Variants in DYRK1A observed in about 807,000 individuals in gnomAD.
DYRK1A encodes the protein dual specificity tyrosine phosphorylation regulated kinase 1A, also known as dual specificity tyrosine-phosphorylation-regulated kinase 1A.
DYRK1A carries 9 observed loss-of-function variants against 79.7 expected under a neutral mutation model. The ratio of observed to expected loss-of-function variants is 0.11; its 90% CI spans 0.07 to 0.20. The LOEUF (loss-of-function observed/expected upper bound fraction) is 0.20, where lower values mean the gene tolerates loss of function less well. DYRK1A is among the 10% of genes least tolerant of loss of function. The pLI is 1.00. For synonymous variants in DYRK1A, 349 were observed against 329.7 expected (o/e 1.06, Z -0.63); for missense variants, 622 against 956.0 (o/e 0.65, Z 4.61).
intron 1 of DYRK1A, among the ~76,000 whole-genome samples, chr21:37,372,517 T>A (rs1030445103): frequency 1.3e-5 from 2 of 151,608 alleles, no homozygotes; most frequent in Admixed American, 1.3e-4. Context: ...TAGACAGCAG[T>A]TGAGGCAGCA....
intron 5 of DYRK1A, among the ~76,000 whole-genome samples, chr21:37,483,416 T>C (rs1452632832): frequency 6.6e-6 from 1 of 152,232 alleles, no homozygotes; most frequent in East Asian, 1.9e-4. Flanking sequence ...GTCACTCCAG[T>C]GTGGCCCTAC....
At chr21:37,366,659 A>C (rs2148344727), upstream of DYRK1A, among the ~76,000 whole-genome samples, 1 of 151,422 alleles carries the variant, frequency 6.6e-6, no homozygotes, top group Admixed American at 6.6e-5. Context: ...GAGGGAACGG[A>C]ATCTGCCGTT....
intron 1 of DYRK1A, among the ~76,000 whole-genome samples, chr21:37,390,964 T>A (rs1054771629): frequency 4.6e-5 from 7 of 152,222 alleles, no homozygotes; most frequent in Non-Finnish European, 1.0e-4. Flanking sequence ...GACCAGTGAT[T>A]TTAGAGTGTT....
intron 1 of DYRK1A, among the ~76,000 whole-genome samples, chr21:37,412,129 G>A (rs2050256717): frequency 6.6e-6 from 1 of 152,178 alleles, no homozygotes; most frequent in Admixed American, 6.5e-5. Flanking sequence ...TAAAGTGGAT[G>A]AAGGCAAATT....
chr21:37,454,765 A>C (rs1265235551), intron 2 of DYRK1A, among the ~76,000 whole-genome samples: 2 of 152,208 alleles, frequency 1.3e-5, no homozygotes, highest in African/African-American at 4.8e-5. Context: ...CTTAGAAGTT[A>C]AGATTATGTG....
At chr21:37,374,719 A>AT (rs1315947522) in intron 1 of DYRK1A, among the ~76,000 whole-genome samples, 2 of 151,856 alleles carry the variant, frequency 1.3e-5, no homozygotes, top group Non-Finnish European at 2.9e-5. Context: ...CGCCTGGCTA[A>AT]TTTTTTTGTA....
chr21:37,427,730 T>G (rs139407161), intron 2 of DYRK1A, among the ~76,000 whole-genome samples: 2 of 152,326 alleles, frequency 1.3e-5, no homozygotes, highest in East Asian at 3.9e-4. Context: ...AGTTTATGCT[T>G]CTACCAGCTG....
At chr21:37,477,481 A>G (rs2052441811) in intron 3 of DYRK1A, among the ~76,000 whole-genome samples, 1 of 152,124 alleles carries the variant, frequency 6.6e-6, no homozygotes, top group Non-Finnish European at 1.5e-5. Flanking sequence ...GAGGGGGTGC[A>G]TGCCCCTGCT....
At chr21:37,430,401 GTC>G in intron 2 of DYRK1A, 1 of 985,304 alleles carries the variant, frequency 1.0e-6, no homozygotes, top group Non-Finnish European at 1.2e-6. Context: ...CTGGATTGAG[GTC>G]TGGTACATTT....
chr21:37,502,770 C>T (rs1168065475), intron 9 of DYRK1A: 1 of 152,084 alleles, frequency 6.6e-6, no homozygotes, highest in Non-Finnish European at 1.5e-5. Context: ...CTTCCTTTAA[C>T]TTTTATTTTG....
chr21:37,417,536 T>TTTC (rs1555959280), intron 1 of DYRK1A, among the ~76,000 whole-genome samples: 1 of 105,094 alleles, frequency 9.5e-6, no homozygotes, highest in African/African-American at 3.4e-5. Context: ...TTTCTTTTTT[T>TTTC]TTTTTTTTTT....
intron 9 of DYRK1A, 76 bp from the exon 10 acceptor site, chr21:37,505,205 CAT>C: frequency 8.4e-7 from 1 of 1,184,602 alleles, no homozygotes. Flanking sequence ...TATATTTAAA[CAT>C]ATTTGAAATT....
intron 3 of DYRK1A, among the ~76,000 whole-genome samples, chr21:37,475,393 A>C (rs1257874603): frequency 5.9e-5 from 9 of 152,188 alleles, no homozygotes; most frequent in Admixed American, 5.9e-4. Context: ...GGAAGTAGAG[A>C]AAGTGTCAGA....
In DYRK1A at chr21:37,474,555, A is replaced by G. The variant is rs563531335; in HGVS notation, c.207+1675A>G. 4.6e-5 allele frequency among the ~76,000 whole-genome samples: 7 copies of G among 152,316 alleles called. No homozygotes were observed. In the East Asian group the frequency reaches 7.7e-4, roughly 17 times the overall value. On this transcript the variant is annotated intron_variant, in intron 3 of 11. Coordinates refer to ENST00000647188, the MANE Select transcript of DYRK1A (RefSeq NM_001347721.2). ...AGTCTAGTCATAGGACCTGGCTTCA[A>G]GGTCTTGGCCGGCTCATGATCTGGT... is the stretch of plus-strand genomic sequence containing the variant.
At chr21:37,402,881 G>A (rs1419746773) in intron 1 of DYRK1A, among the ~76,000 whole-genome samples, 4 of 151,982 alleles carry the variant, frequency 2.6e-5, no homozygotes, top group South Asian at 2.1e-4. Flanking sequence ...TCATGCCTTA[G>A]CCTCCCAAGT....
At chr21:37,390,407 C>T (rs765263665) in intron 1 of DYRK1A, among the ~76,000 whole-genome samples, 1 of 152,162 alleles carries the variant, frequency 6.6e-6, no homozygotes, top group Non-Finnish European at 1.5e-5. Flanking sequence ...AGGGCATTCT[C>T]TTACATAACA....
rs540739595 is a variant in DYRK1A at position 37,481,049 on chromosome 21, T to C, written c.489+223T>C. 1.4e-5 allele frequency: 6 copies of C among 441,438 alleles called. No individual in the cohort carries two copies. In the Admixed American group the frequency reaches 2.0e-4, roughly 15 times the overall value. 27.3% of individuals were successfully genotyped at this position (441,438 alleles called of 1,614,324 possible). A position where few individuals can be genotyped will look rare whatever the true frequency, so the allele number is the denominator to read the frequency against. On this transcript the variant is annotated intron_variant, in intron 5 of 11. Coordinates refer to ENST00000647188, the MANE Select transcript of DYRK1A (RefSeq NM_001347721.2). ...AAAAACTTTTATGGCTACCAAGTGC[T>C]CATTTTACTAATGACTGGTGAATTT...
At chr21:37,511,356 A>C (rs938002560) in intron 11 of DYRK1A, among the ~76,000 whole-genome samples, 2 of 152,098 alleles carry the variant, frequency 1.3e-5, no homozygotes, top group African/African-American at 2.4e-5. Context: ...GGATGGAAAC[A>C]AGGAGTTCAT....
chr21:37,509,493 C>T (rs2053692870), intron 11 of DYRK1A, among the ~76,000 whole-genome samples: 1 of 152,194 alleles, frequency 6.6e-6, no homozygotes, highest in South Asian at 2.1e-4. Context: ...TTAGCCCAGG[C>T]TGGAGTGCAC....
Sources: allele counts gnomAD v4.1 joint callset (sites outside exome capture counted in the v4.1 genomes callset), GRCh38; gene constraint gnomAD v4.1.1; transcripts MANE v1.5; gene names NCBI Gene and HGNC (gene_info 2026-07-23, HGNC 2026-07-21).